Variants in SPATA13 observed in about 807,000 individuals in gnomAD.
The protein encoded by SPATA13 is spermatogenesis associated 13.
In SPATA13, 50 loss-of-function variants were observed where a neutral mutation model predicts 104.0. The ratio of observed to expected loss-of-function variants is 0.48; its 90% CI spans 0.38 to 0.61. The LOEUF (loss-of-function observed/expected upper bound fraction) is 0.61. Among genes scored for constraint, SPATA13 ranks in the 20% least tolerant of loss-of-function variants. The pLI, the probability that SPATA13 is intolerant of heterozygous loss-of-function variation, is 0.00. For synonymous variants in SPATA13, 606 were observed against 667.5 expected (o/e 0.91, Z 1.42); for missense variants, 1,524 against 1,690.6 (o/e 0.90, Z 1.73).
At chr13:24,061,617 A>C (rs1878774657) in intron 3 of SPATA13, among the ~76,000 whole-genome samples, 1 of 152,184 alleles carries the variant, frequency 6.6e-6, no homozygotes, top group African/African-American at 2.4e-5. Flanking sequence ...CTAATGCAGG[A>C]ACAGAAAACC....
chr13:24,128,456 G>A (rs1398411360), intron 3 of SPATA13, among the ~76,000 whole-genome samples: 1 of 152,152 alleles, frequency 6.6e-6, no homozygotes, highest in Non-Finnish European at 1.5e-5. Context: ...TGAAGAGAAG[G>A]GTGTTGCTCA....
chr13:24,192,385 C>T lies in SPATA13; in HGVS notation c.-111-30434C>T, dbSNP rs72623414. Among the ~76,000 whole-genome samples, 47 of 152,208 alleles carry T rather than the reference C, an allele frequency of 3.1e-4. No homozygotes were observed. In the East Asian group the frequency reaches 8.9e-3, roughly 29 times the overall value. On this transcript the variant is annotated intron_variant, in intron 1 of 12. Coordinates refer to ENST00000382108, the MANE Select transcript of SPATA13 (RefSeq NM_001166271.3). The stretch of plus-strand genomic sequence containing the variant: ...TCGTCTCCTCCTCCTTGCAGCTCTG[C>T]TTGGTGACTGTGATGCCTGCTACTC...
chr13:24,185,352 T>G (rs958271183), intron 1 of SPATA13, among the ~76,000 whole-genome samples: 4 of 152,166 alleles, frequency 2.6e-5, no homozygotes, highest in Admixed American at 2.6e-4. Flanking sequence ...ATGAGGATGA[T>G]TTTTAGGGCC....
rs888790873 is a variant in SPATA13 at position 24,306,767 on chromosome 13, T to C, written c.*3994T>C. ...AATACTTTTAATCTTTCTAATCTTT[T>C]TTTGTAAATATTAGTGTCCATTCTG... On this transcript the variant is annotated 3_prime_UTR_variant, in exon 13 of 13. Transcript: ENST00000382108. The C allele has an allele frequency of 2.0e-5, 3 of 152,240 alleles. No homozygotes were observed. The highest frequency in any genetic ancestry group is 7.2e-5 in the African/African-American group (3 of 41,466). The allele number at this position is 152,240 out of a possible 1,614,324, so 9.4% of individuals were successfully genotyped here. A position where few individuals can be genotyped will look rare whatever the true frequency, so the allele number is the denominator to read the frequency against.
rs1876486645 is a variant in SPATA13, at chr13:24,011,941, C to T, written c.-146-5726C>T. Among the ~76,000 whole-genome samples the T allele has an allele frequency of 1.3e-5, 2 of 152,218 alleles. No homozygotes were observed. Among genetic ancestry groups the T allele is most frequent in the South Asian group, 2.1e-4 (1 of 4,832 alleles). Reference sequence around the variant, plus strand: ...CAGCGGAGGCTTCAATGTGCACCTCCGCCTCCCCCTACGGATTGTAAAACT... The same window carrying T: ...CAGCGGAGGCTTCAATGTGCACCTCTGCCTCCCCCTACGGATTGTAAAACT... On this transcript the variant is annotated intron_variant, in intron 2 of 14. Coordinates refer to the SPATA13 transcript ENST00000424834. This position sits in a 1 kb window ranked among gnomAD's most constrained non-coding sequence, Gnocchi z 4.3.
chr13:24,171,025 C>T (rs367576902), intron 1 of SPATA13, among the ~76,000 whole-genome samples: 143 of 152,006 alleles, frequency 9.4e-4, no homozygotes, highest in African/African-American at 3.3e-3. Flanking sequence ...GAACACATTC[C>T]TCCATGCCCC....
chr13:24,250,918 C>T (rs1035828734), intron 3 of SPATA13, among the ~76,000 whole-genome samples: 2 of 151,904 alleles, frequency 1.3e-5, no homozygotes, highest in Non-Finnish European at 2.9e-5. Flanking sequence ...AAGGAATGTG[C>T]GAAGTAATTT....
At chr13:24,154,945 A>C (rs144101110) in intron 3 of SPATA13, among the ~76,000 whole-genome samples, 1 of 152,062 alleles carries the variant, frequency 6.6e-6, no homozygotes, top group East Asian at 1.9e-4. Flanking sequence ...GCAAACTCCA[A>C]CTCCCAGGTT....
chr13:24,088,858 T>C lies in SPATA13; in HGVS notation c.-112+71157T>C, dbSNP rs1411618558. Among the ~76,000 whole-genome samples, 1 of 152,190 alleles carries C rather than the reference T, an allele frequency of 6.6e-6. No individual in the cohort carries two copies. Among genetic ancestry groups the C allele is most frequent in the African/African-American group, 2.4e-5 (1 of 41,446 alleles). On this transcript the variant is annotated intron_variant, in intron 3 of 14. Transcript: ENST00000424834. This position sits in a 1 kb window ranked among gnomAD's most constrained non-coding sequence, Gnocchi z 4.3. ...GCTGGCTGAGGAGTGTCCCCAAGGCTGGCTCCAGGAAAGCGCAAGCAAGGG... is the reference window on the plus strand; with the variant it reads ...GCTGGCTGAGGAGTGTCCCCAAGGCCGGCTCCAGGAAAGCGCAAGCAAGGG...
chr13:24,044,948 TTAGA>T (rs1878080462), intron 3 of SPATA13, among the ~76,000 whole-genome samples: 1 of 152,106 alleles, frequency 6.6e-6, no homozygotes, highest in African/African-American at 2.4e-5. Flanking sequence ...AAAGTTACAG[TTAGA>T]TAGGAGAAAT....
chr13:24,262,994 A>T (rs1874131653), intron 4 of SPATA13, among the ~76,000 whole-genome samples: 1 of 152,148 alleles, frequency 6.6e-6, no homozygotes, highest in South Asian at 2.1e-4. Flanking sequence ...TTTTTTATAG[A>T]TTCTCTGGGC....
chr13:24,016,154 T>G (rs944836558), intron 2 of SPATA13, among the ~76,000 whole-genome samples: 3 of 152,178 alleles, frequency 2.0e-5, no homozygotes, highest in Non-Finnish European at 4.4e-5. Context: ...CCCTGAGACC[T>G]GCCCGGAATT....
intron 3 of SPATA13, among the ~76,000 whole-genome samples, chr13:24,029,484 T>C (rs974031892): frequency 3.9e-4 from 60 of 152,140 alleles, no homozygotes; most frequent in African/African-American, 1.4e-3. Context: ...AAATTTGAAT[T>C]TCAATTAAAC....
chr13:24,201,548 C>G (rs1458512219), intron 1 of SPATA13, among the ~76,000 whole-genome samples: 1 of 152,188 alleles, frequency 6.6e-6, no homozygotes, highest in African/African-American at 2.4e-5. Context: ...TCAAGCGATT[C>G]TCCTGCCTCA....
chr13:24,160,297 G>T (rs1882415187), upstream of SPATA13, among the ~76,000 whole-genome samples: 1 of 152,174 alleles, frequency 6.6e-6, no homozygotes, highest in African/African-American at 2.4e-5. Context: ...CCAGGTTGGA[G>T]TGCAGTGGCG....
At chr13:24,135,309 T>A (rs1881524512) in intron 3 of SPATA13, among the ~76,000 whole-genome samples, 1 of 152,220 alleles carries the variant, frequency 6.6e-6, no homozygotes. Context: ...CATATGTATT[T>A]TTGATAGAAG....
chr13:24,160,774 C>G lies in SPATA13; in HGVS notation c.-270C>G, dbSNP rs949469807. 16 of 985,312 alleles carry G rather than the reference C, an allele frequency of 1.6e-5. No homozygotes were observed. Among genetic ancestry groups the G allele is most frequent in the Admixed American group, 6.1e-5 (1 of 16,268 alleles). The allele number at this position is 985,312 out of a possible 1,614,324, so 61.0% of individuals were successfully genotyped here. A position where few individuals can be genotyped will look rare whatever the true frequency, so the allele number is the denominator to read the frequency against. On this transcript the variant is annotated 5_prime_UTR_variant, in exon 1 of 13. The change creates a new upstream start codon in the 5' untranslated region. Coordinates refer to ENST00000382108, the MANE Select transcript of SPATA13 (RefSeq NM_001166271.3). The stretch of plus-strand genomic sequence containing the variant: ...TGTGCGTTGCGCTTTCTCCCGCGAT[C>G]GCCCTGCCGGTCGCTAGCTCCGAGG...
intron 12 of SPATA13, 78 bp downstream of exon 12, chr13:24,300,553 A>T: frequency 7.5e-7 from 1 of 1,333,570 alleles, no homozygotes; most frequent in Non-Finnish European, 1.1e-6. Flanking sequence ...CCAAGTTGTC[A>T]GCCTGTGACC....
At chr13:24,008,901 G>T (rs1191265622) in intron 2 of SPATA13, among the ~76,000 whole-genome samples, 3 of 152,188 alleles carry the variant, frequency 2.0e-5, no homozygotes, top group African/African-American at 4.8e-5. Context: ...GGAGGGAAGA[G>T]GGGGGAAAGC....
Sources: gnomAD v4.1 joint callset for allele counts (sites outside exome capture counted in the v4.1 genomes callset) on GRCh38, gnomAD v4.1.1 for gene constraint, Gnocchi (gnomAD v3.1) non-coding constraint, MANE v1.5 for transcripts, NCBI Gene and HGNC (gene_info 2026-07-23, HGNC 2026-07-21) for gene names.